The following ATAD5 variants were observed in gnomAD, a reference collection of about 807,000 sequenced individuals.
The protein encoded by ATAD5 is ATPase family AAA domain-containing protein 5.
Under a neutral mutation model 176.9 loss-of-function variants are expected in ATAD5, and 58 were observed. That is an observed-to-expected ratio of 0.33 (90% CI 0.27 to 0.41). The LOEUF (loss-of-function observed/expected upper bound fraction) is 0.41, where lower values mean the gene tolerates loss of function less well. ATAD5 is among the 10% of genes least tolerant of loss of function. The probability of loss-of-function intolerance (pLI) is 1.00; values close to 1 mark genes in which losing one functional copy is unlikely to be tolerated. For missense variants in ATAD5, 1,789 were observed against 2,094.1 expected, an observed-to-expected ratio of 0.85 and a Z score of 2.84; for synonymous variants, 640 against 712.6, an observed-to-expected ratio of 0.90 and a Z score of 1.62.
chr17:30,851,885 T>G (rs1229603822), intron 6 of ATAD5, among the ~76,000 whole-genome samples: 1 of 152,130 alleles, frequency 6.6e-6, no homozygotes, highest in Non-Finnish European at 1.5e-5. Flanking sequence ...CCTGGCCTCT[T>G]TTGCTTTTTT....
rs1202113387 is a variant in ATAD5, at chr17:30,893,752, T to C, written c.4899T>C (p.Thr1633=). ...KKSIPCPPKT[T]AGKKCSALVS... ...CTATTCCTTGTCCTCCTAAAACAAC[T>C]GCAGGAAAAAAATGTTCTGCCCTTG... is the stretch of plus-strand genomic sequence containing the variant. The change falls in exon 21 of 23, where the codon ACT becomes ACC. Residue 1633 remains threonine (T), a synonymous_variant. Coordinates refer to ENST00000321990, the MANE Select transcript of ATAD5 (RefSeq NM_024857.5). 1.2e-6 allele frequency: 2 copies of C among 1,614,022 alleles called. No individual in the cohort carries two copies. The highest frequency in any genetic ancestry group is 2.2e-5 in the East Asian group (1 of 44,868).
intron 17 of ATAD5, 50 bp downstream of exon 17, chr17:30,878,146 T>A: frequency 6.6e-6 from 8 of 1,216,200 alleles, no homozygotes; most frequent in African/African-American, 1.5e-5. Context: ...AAATCTGTAG[T>A]TCATCTGCAG....
chr17:30,886,172 C>A (rs984284889), intron 18 of ATAD5, among the ~76,000 whole-genome samples: 3 of 136,752 alleles, frequency 2.2e-5, no homozygotes, highest in African/African-American at 8.0e-5. Flanking sequence ...TAACTTTTTT[C>A]TTTTTTTTTT....
chr17:30,850,830 T>TA (rs1567683465), intron 6 of ATAD5, among the ~76,000 whole-genome samples: 27 of 22,802 alleles, frequency 1.2e-3, no homozygotes, highest in South Asian at 5.2e-3. Flanking sequence ...TATTTATATA[T>TA]TTTTATATAT....
At position 30,893,745 on chromosome 17, in the gene ATAD5, AAAC is replaced by A. The variant is rs777761769; in HGVS notation, c.4896_4898del (p.Thr1633del). ...AAGAAATCTATTCCTTGTCCTCCTAAAACAACTGCAGGAAAAAAATGTTCTGCC... is the reference window on the plus strand; with the variant it reads ...AAGAAATCTATTCCTTGTCCTCCTAAAACTGCAGGAAAAAAATGTTCTGCC... On this transcript the variant is annotated inframe_deletion, in exon 21 of 23. Transcript: ENST00000321990. 3.1e-6 allele frequency: 5 copies of A among 1,613,978 alleles called. No individual in the cohort carries two copies. Among genetic ancestry groups the A allele is most frequent in the African/African-American group, 2.7e-5 (2 of 74,934 alleles).
intron 6 of ATAD5, 107 bp from the exon 7 acceptor site, chr17:30,855,036 G>A: frequency 9.5e-7 from 1 of 1,056,784 alleles, no homozygotes. Context: ...TTATATTACA[G>A]GCATGAGCCA....
intron 12 of ATAD5, among the ~76,000 whole-genome samples, chr17:30,868,915 C>T (rs1393637709): frequency 6.6e-6 from 1 of 150,422 alleles, no homozygotes; most frequent in Non-Finnish European, 1.5e-5. Context: ...CGGCTAACTG[C>T]AACCTCCACC....
At chr17:30,837,948 G>A (rs73277937) in intron 3 of ATAD5, among the ~76,000 whole-genome samples, 14,338 of 152,204 alleles carry the variant, frequency 0.094, 1,956 homozygotes, top group African/African-American at 0.3. Flanking sequence ...AGACTGAAAA[G>A]CAGAGTTTCT....
Position 30,869,366 on chromosome 17 carries a change from T to C in ATAD5, c.3432T>C (p.Ala1144=), listed in dbSNP as rs1908206402. The C allele has an allele frequency of 1.2e-6, 2 of 1,613,878 alleles. No individual in the cohort carries two copies. Among genetic ancestry groups the C allele is most frequent in the African/African-American group, 1.3e-5 (1 of 75,010 alleles). ...TGVGKTAAVY[A]CAQELGFKIF... ...TGGGAAAAACTGCTGCAGTGTATGC[T>C]TGTGCCCAGGAGCTTGGATTTAAGG... The change falls in exon 13 of 23, where the codon GCT becomes GCC. Residue 1144 remains alanine (A), a synonymous_variant. Transcript: ENST00000321990.
intron 6 of ATAD5, among the ~76,000 whole-genome samples, chr17:30,848,063 C>G (rs1026062373): frequency 1.3e-5 from 2 of 152,070 alleles, no homozygotes; most frequent in African/African-American, 4.8e-5. Context: ...GACAAGTGTT[C>G]TCATTTTTCT....
At position 30,885,111 on chromosome 17, in the gene ATAD5, G is replaced by A. The variant is rs144333135; in HGVS notation, c.4078-2081G>A. Among the ~76,000 whole-genome samples the A allele has an allele frequency of 5.5e-4, 84 of 152,086 alleles. 1 individual carries two copies. Among genetic ancestry groups the A allele is most frequent in the African/African-American group, 1.7e-3 (71 of 41,516 alleles). The stretch of plus-strand genomic sequence containing the variant: ...ATTCTAGATGTTCTTTTCCTTTGTC[G>A]TTGCTAAATTCTCTTATTAGTTATA... On this transcript the variant is annotated intron_variant, in intron 18 of 22. Transcript: ENST00000321990.
intron 14 of ATAD5, among the ~76,000 whole-genome samples, chr17:30,870,909 G>A (rs578188522): frequency 6.6e-6 from 1 of 152,070 alleles, no homozygotes; most frequent in Admixed American, 6.6e-5. Context: ...CTTGGGATTT[G>A]TTGAGTTTCT....
At chr17:30,869,791 AC>A in intron 14 of ATAD5, 145 bp downstream of exon 14, 1 of 811,004 alleles carries the variant, frequency 1.2e-6, no homozygotes, top group Non-Finnish European at 1.9e-6. Context: ...TTATTTTAAA[AC>A]AAATCTGAAG....
chr17:30,835,064 T>C lies in ATAD5; in HGVS notation c.983T>C (p.Val328Ala), dbSNP rs377130692. Reference protein sequence around the residue: ...RFKTVTVLAQVHPIPPKKTGK... With the variant: ...RFKTVTVLAQAHPIPPKKTGK... ...AAGACAGTTACTGTTCTTGCACAGG[T>C]TCACCCTATTCCGCCCAAAAAGACA... The change falls in exon 2 of 23, where the codon GTT (valine) becomes GCT (alanine). Residue 328 changes from valine (V) to alanine (A), a missense_variant. Transcript: ENST00000321990. The C allele has an allele frequency of 1.3e-5, 21 of 1,614,044 alleles. No individual in the cohort carries two copies. In the African/African-American group the frequency reaches 2.7e-4, roughly 20 times the overall value.
Position 30,840,654 on chromosome 17 carries a change from A to C in ATAD5, c.2114A>C (p.Gln705Pro). ...TCAAAAAACATATCAAAAGCAAAACAATTGATTGAAAAAGCAAAAGCTTTA... is the reference window on the plus strand; with the variant it reads ...TCAAAAAACATATCAAAAGCAAAACCATTGATTGAAAAAGCAAAAGCTTTA... ...NTSKNISKAK[Q>P]LIEKAKALHI... is the part of the protein sequence containing the mutation. The change falls in exon 4 of 23, where the codon CAA becomes CCA. Residue 705 changes from glutamine to proline, a missense_variant. This residue lies in a region of ATAD5 where 487 missense variants were observed against 573.6 expected (regional missense o/e 0.85). Transcript: ENST00000321990. 4 of 1,582,220 alleles carry C rather than the reference A, an allele frequency of 2.5e-6. No homozygotes were observed. The highest frequency in any genetic ancestry group is 3.4e-6 in the Non-Finnish European group (4 of 1,165,944).
In ATAD5 at chr17:30,840,853, T is replaced by A. The variant is rs1489533628; in HGVS notation, c.2241+72T>A. The A allele has an allele frequency of 2.1e-6, 3 of 1,410,534 alleles. No individual in the cohort carries two copies. In the Admixed American group the frequency reaches 7.1e-5, roughly 33 times the overall value. 87.4% of individuals were successfully genotyped at this position (1,410,534 alleles called of 1,614,324 possible). A position where few individuals can be genotyped will look rare whatever the true frequency, so the allele number is the denominator to read the frequency against. ...TGTTTGGAGTGGGAGAAGGAAACCA[T>A]TATAAAGTTATAAGGTAGGTTTGTG... On this transcript the variant is annotated intron_variant, in intron 4 of 22. Coordinates refer to ENST00000321990, the MANE Select transcript of ATAD5 (RefSeq NM_024857.5).
chr17:30,837,346 C>G, intron 3 of ATAD5, 32 bp downstream of exon 3: 1 of 1,368,050 alleles, frequency 7.3e-7, no homozygotes, highest in Non-Finnish European at 1.0e-6. Flanking sequence ...CCTATAAGTG[C>G]CATTCTGTTT....
In ATAD5 at chr17:30,879,252, A is replaced by C. The variant is rs185199813; in HGVS notation, c.4013-171A>C. Among the ~76,000 whole-genome samples, 10 of 152,258 alleles carry C rather than the reference A, an allele frequency of 6.6e-5. 1 individual carries two copies. In the East Asian group the frequency reaches 1.9e-3, roughly 29 times the overall value. ...GCTTGGGAAGCTGAGGCAGAGGATC[A>C]CTTGAGCCCAGGAGTTTGAGGCTGC... is the stretch of plus-strand genomic sequence containing the variant. On this transcript the variant is annotated intron_variant, in intron 17 of 22. Transcript: ENST00000321990.
intron 14 of ATAD5, among the ~76,000 whole-genome samples, chr17:30,875,051 T>C (rs978435750): frequency 6.6e-6 from 1 of 152,092 alleles, no homozygotes; most frequent in Non-Finnish European, 1.5e-5. Flanking sequence ...GTAAGCTTAT[T>C]GAACACCTCT....
Sources: allele counts gnomAD v4.1 joint callset (sites outside exome capture counted in the v4.1 genomes callset), GRCh38; gene constraint gnomAD v4.1.1; regional missense constraint gnomAD v4.1.1; transcripts MANE v1.5; gene names NCBI Gene and HGNC (gene_info 2026-07-23, HGNC 2026-07-21).